Variants in PRKN observed in about 807,000 individuals in gnomAD.
The protein encoded by PRKN is parkin RBR E3 ubiquitin protein ligase.
Under a neutral mutation model 59.5 loss-of-function variants are expected in PRKN, and 56 were observed. The ratio of observed to expected loss-of-function variants is 0.94; its 90% confidence interval spans 0.76 to 1.18. The LOEUF (loss-of-function observed/expected upper bound fraction) is 1.18, where lower values mean the gene tolerates loss of function less well. PRKN is among the 50% of genes most tolerant of loss of function. PRKN has a pLI of 0.00. For missense variants in PRKN, 657 were observed against 596.4 expected (o/e 1.10, Z -1.06); for synonymous variants, 250 against 222.1 (o/e 1.13, Z -1.12).
intron 2 of PRKN, among the ~76,000 whole-genome samples, chr6:162,387,937 G>C (rs770866196): frequency 6.6e-6 from 1 of 152,168 alleles, no homozygotes; most frequent in Non-Finnish European, 1.5e-5. Flanking sequence ...GAATTCCTCT[G>C]AGTGCTGGGG....
chr6:162,407,566 T>C, intron 2 of PRKN, among the ~76,000 whole-genome samples: 1 of 152,200 alleles, frequency 6.6e-6, no homozygotes, highest in Middle Eastern at 3.2e-3. Flanking sequence ...TCAACTTCAA[T>C]GCTTAAGACA....
intron 1 of PRKN, among the ~76,000 whole-genome samples, chr6:162,595,088 G>A (rs1240287587): frequency 6.6e-6 from 1 of 151,810 alleles, no homozygotes; most frequent in Non-Finnish European, 1.5e-5. Context: ...GCAGGAGAAT[G>A]GCGTGAACCT....
intron 1 of PRKN, among the ~76,000 whole-genome samples, chr6:162,572,613 T>C (rs1780386337): frequency 6.6e-6 from 1 of 152,172 alleles, no homozygotes; most frequent in South Asian, 2.1e-4. Flanking sequence ...CACTGAAATA[T>C]TCCTTTCAGA....
chr6:162,724,934 G>C (rs769489283), intron 1 of PRKN, among the ~76,000 whole-genome samples: 1 of 152,210 alleles, frequency 6.6e-6, no homozygotes, highest in Non-Finnish European at 1.5e-5. Context: ...GGCAAACCTA[G>C]AAAACGAACA....
intron 3 of PRKN, among the ~76,000 whole-genome samples, chr6:162,206,545 T>G (rs1212015445): frequency 6.6e-6 from 1 of 152,184 alleles, no homozygotes; most frequent in Non-Finnish European, 1.5e-5. Context: ...ACATCAAGAA[T>G]GCTGCTGCTG....
chr6:161,667,684 T>C (rs1194494661), intron 7 of PRKN, among the ~76,000 whole-genome samples: 1 of 152,186 alleles, frequency 6.6e-6, no homozygotes, highest in Non-Finnish European at 1.5e-5. Context: ...GTTGACCAAA[T>C]AGATGATTAA....
chr6:161,549,249 T>C lies in PRKN; in HGVS notation c.934-246A>G, dbSNP rs1779913388. ...AAGACATATAAGTGTGTTTACTTTTTGCTTTTTTGTCTTCAGAAAATAGAT... is the reference window on the plus strand; with the variant it reads ...AAGACATATAAGTGTGTTTACTTTTCGCTTTTTTGTCTTCAGAAAATAGAT... On this transcript the variant is annotated intron_variant, in intron 8 of 11. Transcript: ENST00000366898. The surrounding 1 kb of genome is among the most constrained non-coding windows in gnomAD (Gnocchi z 6.0). 6.6e-6 allele frequency among the ~76,000 whole-genome samples: 1 copy of C among 152,210 alleles called. No individual in the cohort carries two copies. Among genetic ancestry groups the C allele is most frequent in the South Asian group, 2.1e-4 (1 of 4,832 alleles).
chr6:162,202,619 A>C (rs1784778386), intron 3 of PRKN, among the ~76,000 whole-genome samples: 1 of 152,228 alleles, frequency 6.6e-6, no homozygotes, highest in Admixed American at 6.5e-5. Context: ...AACATATTCA[A>C]GTACATAAAT....
At chr6:161,520,987 T>C (rs2223768) in intron 9 of PRKN, among the ~76,000 whole-genome samples, 21,788 of 152,164 alleles carry the variant, frequency 0.14, 1,709 homozygotes, top group African/African-American at 0.2. Context: ...AACAAGATCA[T>C]TGGTCATTAT....
At chr6:161,840,010 GC>G (rs1792918662) in intron 6 of PRKN, among the ~76,000 whole-genome samples, 1 of 152,212 alleles carries the variant, frequency 6.6e-6, no homozygotes, top group South Asian at 2.1e-4. Flanking sequence ...TCTCAGGCTC[GC>G]CCCTCCTCTG....
rs114927104 is a variant in PRKN at position 161,451,199 on chromosome 6, T to A, written c.1084-64322A>T. Among the ~76,000 whole-genome samples the A allele has an allele frequency of 0.013, 2,046 of 152,154 alleles. 55 individuals are homozygous for A. The highest frequency in any genetic ancestry group is 0.046 in the African/African-American group (1,920 of 41,494). ...CATCTTGAACACCTCCCAAGGCCAA[T>A]CTCCCATTGCAACAAATGAACTATT... On this transcript the variant is annotated intron_variant, in intron 9 of 11. Transcript: ENST00000366898. This position sits in a 1 kb window ranked among gnomAD's most constrained non-coding sequence, Gnocchi z 5.9.
Position 161,356,513 on chromosome 6 carries a change from G to C in PRKN, c.1285+3575C>G, listed in dbSNP as rs567337388. Reference sequence around the variant, plus strand: ...CATAAATATGCGAGAGTGGAGGCGAGAGCCCTTTTGGGAAGCTGTGCTTGG... The same window carrying C: ...CATAAATATGCGAGAGTGGAGGCGACAGCCCTTTTGGGAAGCTGTGCTTGG... On this transcript the variant is annotated intron_variant, in intron 11 of 11. Coordinates refer to ENST00000366898, the MANE Select transcript of PRKN (RefSeq NM_004562.3). This position sits in a 1 kb window ranked among gnomAD's most constrained non-coding sequence, Gnocchi z 7.8. Among the ~76,000 whole-genome samples, 30 of 152,284 alleles carry C rather than the reference G, an allele frequency of 2.0e-4. No individual in the cohort carries two copies. The highest frequency in any genetic ancestry group is 3.4e-3 in the Middle Eastern group (1 of 294).
At chr6:161,773,914 C>T (rs983813740) in intron 7 of PRKN, among the ~76,000 whole-genome samples, 3 of 152,118 alleles carry the variant, frequency 2.0e-5, no homozygotes, top group African/African-American at 7.2e-5. Flanking sequence ...TGGCGTTCCT[C>T]CCAGAGAGGA....
intron 4 of PRKN, among the ~76,000 whole-genome samples, chr6:162,068,078 C>T (rs1244501778): frequency 3.9e-5 from 6 of 152,152 alleles, no homozygotes; most frequent in African/African-American, 1.4e-4. Context: ...TCAGTAACTA[C>T]ATTTACTAAT....
chr6:162,444,099 G>T (rs1218917151), intron 1 of PRKN, among the ~76,000 whole-genome samples: 1 of 152,108 alleles, frequency 6.6e-6, no homozygotes, highest in Non-Finnish European at 1.5e-5. Flanking sequence ...TGTTCCCCGT[G>T]AGACCCAGGC....
intron 4 of PRKN, among the ~76,000 whole-genome samples, chr6:162,189,685 C>T (rs1052351593): frequency 2.0e-5 from 3 of 151,698 alleles, no homozygotes; most frequent in African/African-American, 7.3e-5. Context: ...GGTCATACTC[C>T]ATTTATTTCA....
At chr6:162,695,186 T>C (rs145489080) in intron 1 of PRKN, 3 of 152,252 alleles carry the variant, frequency 2.0e-5, no homozygotes, top group Non-Finnish European at 4.4e-5. Flanking sequence ...CTCCAAGACA[T>C]TTAGCCAGCA....
rs1047890087 is a variant in PRKN, at chr6:161,538,393, T to C, written c.1083+10461A>G. On this transcript the variant is annotated intron_variant, in intron 9 of 11. Coordinates refer to ENST00000366898, the MANE Select transcript of PRKN (RefSeq NM_004562.3). The surrounding 1 kb of genome is among the most constrained non-coding windows in gnomAD (Gnocchi z 4.2). ...TTTAAGAAATCTCCTTCTTAGTCTC[T>C]ATCCACAACCTCAACTTCTTAATGG... is the stretch of plus-strand genomic sequence containing the variant. Among the ~76,000 whole-genome samples, 1 of 152,192 alleles carries C rather than the reference T, an allele frequency of 6.6e-6. No individual in the cohort carries two copies. The highest frequency in any genetic ancestry group is 1.5e-5 in the Non-Finnish European group (1 of 68,042).
At position 161,427,998 on chromosome 6, in the gene PRKN, G is replaced by A. The variant is rs562687909; in HGVS notation, c.1084-41121C>T. On this transcript the variant is annotated intron_variant, in intron 9 of 11. Transcript: ENST00000366898. ...TGCGGGGATGGGCTCAGAGGGTCCC[G>A]ACAGAGGGTGACACTTGCATGGTTG... Among the ~76,000 whole-genome samples the A allele has an allele frequency of 3.3e-5, 5 of 152,228 alleles. No individual in the cohort carries two copies. The South Asian group carries it at 1.0e-3, about 32-fold the overall frequency.
Sources: gnomAD v4.1 joint callset for allele counts (sites outside exome capture counted in the v4.1 genomes callset) on GRCh38, gnomAD v4.1.1 for gene constraint, Gnocchi (gnomAD v3.1) non-coding constraint, MANE v1.5 for transcripts, NCBI Gene and HGNC (gene_info 2026-07-23, HGNC 2026-07-21) for gene names.